Variants in MALRD1 observed in about 807,000 individuals in gnomAD.
MALRD1 encodes MAM and LDL-receptor class A domain-containing protein 1.
Under a neutral mutation model 242.1 loss-of-function variants are expected in MALRD1, and 247 were observed. The observed-to-expected ratio is 1.02, with a 90% confidence interval of 0.92 to 1.13. The LOEUF (loss-of-function observed/expected upper bound fraction) is 1.13. MALRD1 is among the 50% of genes most tolerant of loss of function. The pLI, the probability that MALRD1 is intolerant of heterozygous loss-of-function variation, is 0.00. For synonymous variants in MALRD1, 995 were observed against 866.6 expected (o/e 1.15, Z -2.60); for missense variants, 2,989 against 2,533.1 (o/e 1.18, Z -3.86).
At chr10:19,674,690 A>C (rs910588998) in intron 36 of MALRD1, among the ~76,000 whole-genome samples, 3 of 152,212 alleles carry the variant, frequency 2.0e-5, no homozygotes, top group African/African-American at 7.2e-5. Flanking sequence ...TTCCTATGAA[A>C]AGAGGAGAAA....
At chr10:19,660,891 A>C (rs907044572) in intron 36 of MALRD1, among the ~76,000 whole-genome samples, 8 of 152,196 alleles carry the variant, frequency 5.3e-5, no homozygotes, top group African/African-American at 1.9e-4. Context: ...GAGGTAGTAG[A>C]TACTTCAGTT....
intron 1 of MALRD1, among the ~76,000 whole-genome samples, chr10:19,065,129 A>C (rs540135480): frequency 3.3e-4 from 50 of 151,700 alleles, no homozygotes; most frequent in African/African-American, 9.9e-4. Context: ...CTCTACTAAA[A>C]ATACAAAATT....
chr10:19,320,332 G>A (rs1002429909), intron 21 of MALRD1, among the ~76,000 whole-genome samples: 1 of 151,860 alleles, frequency 6.6e-6, no homozygotes, highest in Non-Finnish European at 1.5e-5. Flanking sequence ...TTGGTTTTCT[G>A]TTCCTGTGTT....
chr10:19,112,209 AT>A (rs1285567769), intron 5 of MALRD1, among the ~76,000 whole-genome samples: 2 of 147,648 alleles, frequency 1.4e-5, no homozygotes, highest in Non-Finnish European at 3.0e-5. Context: ...CAGGACTAGC[AT>A]TTGGGAACCA....
At chr10:19,555,376 G>A (rs1224706402) in intron 32 of MALRD1, among the ~76,000 whole-genome samples, 1 of 152,086 alleles carries the variant, frequency 6.6e-6, no homozygotes, top group Admixed American at 6.6e-5. Flanking sequence ...AGCTGGGTAG[G>A]ACTTCATTTT....
At chr10:19,547,689 C>G (rs73595837) in intron 32 of MALRD1, among the ~76,000 whole-genome samples, 7,512 of 146,118 alleles carry the variant, frequency 0.051, 631 homozygotes, top group African/African-American at 0.18. Flanking sequence ...AATGAATTGA[C>G]ATACTTCACT....
chr10:19,369,665 TA>T (rs1845287480), intron 26 of MALRD1, among the ~76,000 whole-genome samples: 1 of 150,594 alleles, frequency 6.6e-6, no homozygotes, highest in Non-Finnish European at 1.5e-5. Flanking sequence ...TATTTTCAAA[TA>T]TGCATAAGTA....
At chr10:19,185,461 A>G (rs546292457) in intron 14 of MALRD1, among the ~76,000 whole-genome samples, 17 of 152,170 alleles carry the variant, frequency 1.1e-4, no homozygotes, top group Non-Finnish European at 1.3e-4. Flanking sequence ...GTTGAATTCA[A>G]TGAAACCTTA....
chr10:19,531,511 T>C (rs1326542100), intron 32 of MALRD1, among the ~76,000 whole-genome samples, 160 bp downstream of exon 32: 2 of 152,208 alleles, frequency 1.3e-5, no homozygotes, highest in African/African-American at 4.8e-5. Flanking sequence ...TGGCAAGCTG[T>C]GCTGTCATTC....
chr10:19,277,900 A>G (rs1027159026), intron 19 of MALRD1, among the ~76,000 whole-genome samples: 1 of 152,180 alleles, frequency 6.6e-6, no homozygotes, highest in Non-Finnish European at 1.5e-5. Flanking sequence ...TTGGTTTATT[A>G]GTTGACTGGA....
rs186001152 is a variant in MALRD1 at position 19,189,781 on chromosome 10, A to G, written c.1952-13947A>G. 4.6e-4 allele frequency among the ~76,000 whole-genome samples: 70 copies of G among 152,212 alleles called. 1 individual carries two copies. In the South Asian group the frequency reaches 0.011, roughly 25 times the overall value. Reference sequence around the variant, plus strand: ...TCAATATTTAATTCAGGATAAAAATACTCAACAAACCAGGAATAAAAGGAA... The same window carrying G: ...TCAATATTTAATTCAGGATAAAAATGCTCAACAAACCAGGAATAAAAGGAA... On this transcript the variant is annotated intron_variant, in intron 14 of 39. Coordinates refer to ENST00000454679, the MANE Select transcript of MALRD1 (RefSeq NM_001142308.3).
chr10:19,163,443 G>A (rs1217918810), intron 12 of MALRD1, among the ~76,000 whole-genome samples: 1 of 149,936 alleles, frequency 6.7e-6, no homozygotes, highest in Non-Finnish European at 1.5e-5. Flanking sequence ...CAAGTTGGGA[G>A]CTAAATAATA....
At chr10:19,106,508 A>T (rs1292752404) in intron 5 of MALRD1, among the ~76,000 whole-genome samples, 1 of 151,048 alleles carries the variant, frequency 6.6e-6, no homozygotes, top group African/African-American at 2.4e-5. Flanking sequence ...CTCTCATTTT[A>T]TTTGAATCTT....
rs141717276 is a variant in MALRD1, at chr10:19,588,467, A to G, written c.5681-6727A>G. Among the ~76,000 whole-genome samples the G allele has an allele frequency of 1.3e-4, 20 of 152,288 alleles. No individual in the cohort carries two copies. In the East Asian group the frequency reaches 3.5e-3, roughly 26 times the overall value. On this transcript the variant is annotated intron_variant, in intron 33 of 39. Coordinates refer to ENST00000454679, the MANE Select transcript of MALRD1 (RefSeq NM_001142308.3). ...GTGTCCAAGCTCTATTTGAAGTCAC[A>G]ATTTTGAGGAAAACCTGAGTAAAGA...
intron 17 of MALRD1, among the ~76,000 whole-genome samples, chr10:19,208,106 G>A (rs1200805859): frequency 6.7e-6 from 1 of 149,688 alleles, no homozygotes; most frequent in African/African-American, 2.5e-5. Flanking sequence ...TTTTACCACA[G>A]TTGGTTGTGG....
At chr10:19,464,948 ATT>A (rs60320410) in intron 29 of MALRD1, among the ~76,000 whole-genome samples, 11,951 of 133,248 alleles carry the variant, frequency 0.09, 479 homozygotes, top group Middle Eastern at 0.12. Flanking sequence ...TATAATTCCA[ATT>A]TTTTTTTTTT....
chr10:19,064,114 C>T (rs1232193737), intron 1 of MALRD1, among the ~76,000 whole-genome samples: 1 of 152,120 alleles, frequency 6.6e-6, no homozygotes, highest in Non-Finnish European at 1.5e-5. Flanking sequence ...CCAATCCTCC[C>T]TCTGACTGCA....
chr10:19,076,044 G>T lies in MALRD1; in HGVS notation c.340+9185G>T, dbSNP rs114786238. Reference sequence around the variant, plus strand: ...ACACTAATTAATGGTATGATTTGGGGGAAAATCCCTGGGCTTTCCTTTTTC... The same window carrying T: ...ACACTAATTAATGGTATGATTTGGGTGAAAATCCCTGGGCTTTCCTTTTTC... On this transcript the variant is annotated intron_variant, in intron 2 of 39. Transcript: ENST00000454679. 2.4e-3 allele frequency among the ~76,000 whole-genome samples: 364 copies of T among 151,942 alleles called. 1 individual carries two copies. The highest frequency in any genetic ancestry group is 8.5e-3 in the African/African-American group (351 of 41,478).
chr10:19,110,857 G>C (rs1233756396), intron 5 of MALRD1, among the ~76,000 whole-genome samples: 1 of 152,092 alleles, frequency 6.6e-6, no homozygotes, highest in African/African-American at 2.4e-5. Context: ...TTCATTGGCT[G>C]GTCTGGCTAA....
Sources: allele counts gnomAD v4.1 joint callset (sites outside exome capture counted in the v4.1 genomes callset), GRCh38; gene constraint gnomAD v4.1.1; transcripts MANE v1.5; gene names NCBI Gene and HGNC (gene_info 2026-07-23, HGNC 2026-07-21).